Variants in RPE65 observed in about 807,000 individuals in gnomAD.
RPE65 encodes the protein retinoid isomerohydrolase.
In RPE65, 58 loss-of-function variants were observed where a neutral mutation model predicts 68.5. The ratio of observed to expected loss-of-function variants is 0.85; its 90% confidence interval spans 0.69 to 1.05. RPE65 has a LOEUF of 1.05. Among genes scored for constraint, RPE65 ranks in the 50% least tolerant of loss-of-function variants. RPE65 has a pLI of 0.00. For synonymous variants in RPE65, 220 were observed against 222.2 expected (o/e 0.99, Z 0.09); for missense variants, 643 against 629.9 (o/e 1.02, Z -0.22).
chr1:68,444,170 C>CATGA (rs139237373), intron 5 of RPE65, among the ~76,000 whole-genome samples: 3,425 of 152,184 alleles, frequency 0.023, 108 homozygotes, highest in African/African-American at 0.079. Flanking sequence ...GTATTTGTGT[C>CATGA]ATGAATGAAT....
At chr1:68,434,061 T>G (rs1020278371) in intron 10 of RPE65, among the ~76,000 whole-genome samples, 1 of 149,876 alleles carries the variant, frequency 6.7e-6, no homozygotes, top group African/African-American at 2.5e-5. Context: ...GAGTATAGTC[T>G]TAAGTAGTGG....
At chr1:68,439,524 A>G (rs1362821024) in intron 7 of RPE65, 37 bp downstream of exon 7, 1 of 1,604,136 alleles carries the variant, frequency 6.2e-7, no homozygotes, top group Admixed American at 1.7e-5. Context: ...TTTAAACTTG[A>G]GTTTTCCTGA....
rs1645899384 is a variant in RPE65, at chr1:68,441,083, C to A, written c.496-83G>T. 6 of 1,486,440 alleles carry A rather than the reference C, an allele frequency of 4.0e-6. No homozygotes were observed. The Admixed American group carries it at 9.1e-5, about 23-fold the overall frequency. The allele number at this position is 1,486,440 out of a possible 1,614,324, so 92.1% of individuals were successfully genotyped here. A position where few individuals can be genotyped will look rare whatever the true frequency, so the allele number is the denominator to read the frequency against. ...GTCCCTAGGTCTGAGGTCATCACTA[C>A]CCCTTGAACTCTCATCCTAAGTGCA... On this transcript the variant is annotated intron_variant, in intron 5 of 13. Transcript: ENST00000262340.
At chr1:68,444,102 C>T (rs1645924305) in intron 5 of RPE65, among the ~76,000 whole-genome samples, 1 of 152,322 alleles carries the variant, frequency 6.6e-6, no homozygotes, top group Admixed American at 6.5e-5. Context: ...TGTTACCCTA[C>T]TCATTGATCT....
At position 68,449,942 on chromosome 1, in the gene RPE65, C is replaced by T. The variant is rs763419166; in HGVS notation, c.-37G>A. The T allele has an allele frequency of 1.2e-6, 2 of 1,613,778 alleles. No homozygotes were observed. The highest frequency in any genetic ancestry group is 1.7e-6 in the Non-Finnish European group (2 of 1,179,686). On this transcript the variant is annotated 5_prime_UTR_variant, in exon 1 of 14. Transcript: ENST00000262340. ...TCAGGATCCAGAGTTCTGGCACCAA[C>T]TGCAGAATGAAGAAGGAAGTTCTCA... is the stretch of plus-strand genomic sequence containing the variant.
Position 68,428,974 on chromosome 1 carries a change from G to A in RPE65, c.*802C>T, listed in dbSNP as rs920512880. On this transcript the variant is annotated 3_prime_UTR_variant, in exon 14 of 14. Transcript: ENST00000262340. ...TTAAATACAATTAAACAAAAAAGATGCAATAAAGTATAATCCTGCAACATT... is the reference window on the plus strand; with the variant it reads ...TTAAATACAATTAAACAAAAAAGATACAATAAAGTATAATCCTGCAACATT... 1.3e-5 allele frequency: 2 copies of A among 152,044 alleles called. No individual in the cohort carries two copies. Among genetic ancestry groups the A allele is most frequent in the East Asian group, 1.9e-4 (1 of 5,204 alleles). 9.4% of individuals were successfully genotyped at this position (152,044 alleles called of 1,614,324 possible). A position where few individuals can be genotyped will look rare whatever the true frequency, so the allele number is the denominator to read the frequency against.
In RPE65 at chr1:68,429,687, A is replaced by T. The variant is rs1216379239; in HGVS notation, c.*89T>A. ...TCTGCAAGTTAAAACCATGACATAT[A>T]GCAGGCTAAAATTGAACAGAATTTG... is the stretch of plus-strand genomic sequence containing the variant. On this transcript the variant is annotated 3_prime_UTR_variant, in exon 14 of 14. Transcript: ENST00000262340. 7.2e-6 allele frequency: 11 copies of T among 1,537,600 alleles called. No homozygotes were observed. The highest frequency in any genetic ancestry group is 9.8e-6 in the Non-Finnish European group (11 of 1,118,558).
chr1:68,442,455 G>A (rs552226729), intron 5 of RPE65, among the ~76,000 whole-genome samples: 8 of 152,322 alleles, frequency 5.3e-5, no homozygotes, highest in South Asian at 2.1e-4. Flanking sequence ...AAAGACCTTC[G>A]CTTGGACTTT....
At position 68,448,638 on chromosome 1, in the gene RPE65, G is replaced by A. The variant is rs794727245; in HGVS notation, c.80C>T (p.Thr27Ile). Reference sequence around the variant, plus strand: ...GCGAGACCAACCTGTTACATGAGCTGTGAGCGGCGAGGACAGTTCCTCCAC... The same window carrying A: ...GCGAGACCAACCTGTTACATGAGCTATGAGCGGCGAGGACAGTTCCTCCAC... ...ETVEELSSPL[T>I]AHVTGRIPLW... Residue 27 changes from threonine to isoleucine, a missense_variant, in exon 2 of 14, where the codon ACA (threonine) becomes ATA (isoleucine). By Grantham distance (89) the Thr-to-Ile change is moderately conservative. Transcript: ENST00000262340. 1 of 1,613,962 alleles carries A rather than the reference G, an allele frequency of 6.2e-7. No individual in the cohort carries two copies. Among genetic ancestry groups the A allele is most frequent in the African/African-American group, 1.3e-5 (1 of 75,004 alleles).
rs1366781286 is a variant in RPE65, at chr1:68,439,569, G to A, written c.717C>T (p.Tyr239=). The A allele has an allele frequency of 5.6e-6, 9 of 1,613,634 alleles. No individual in the cohort carries two copies. The highest frequency in any genetic ancestry group is 2.2e-5 in the South Asian group (2 of 91,086). ...FPCSDRFKPS[Y]VHSFGLTPNY... Reference sequence around the variant, plus strand: ...GCAGGCCTTCAAGTTACCTATGAACGTAAGATGGCTTGAATCGGTCACTGC... The same window carrying A: ...GCAGGCCTTCAAGTTACCTATGAACATAAGATGGCTTGAATCGGTCACTGC... The change falls in exon 7 of 14, where the codon TAC becomes TAT. Residue 239 remains tyrosine, a synonymous_variant. Transcript: ENST00000262340.
intron 10 of RPE65, 76 bp from the exon 11 acceptor site, chr1:68,431,661 T>G: frequency 1.6e-6 from 2 of 1,281,744 alleles, no homozygotes; most frequent in Non-Finnish European, 2.3e-6. Flanking sequence ...TTCTTAAGTC[T>G]TGGCTCCTAA....
intron 10 of RPE65, among the ~76,000 whole-genome samples, chr1:68,435,490 T>A (rs1041322977): frequency 6.6e-6 from 1 of 152,224 alleles, no homozygotes; most frequent in Non-Finnish European, 1.5e-5. Flanking sequence ...CCATTACCAG[T>A]TCAATAAAGT....
intron 10 of RPE65, 106 bp downstream of exon 10, chr1:68,438,081 G>C: frequency 7.2e-7 from 1 of 1,382,030 alleles, no homozygotes; most frequent in Non-Finnish European, 1.0e-6. Flanking sequence ...GCTCCTTCTA[G>C]CTCTCAAATT....
At position 68,438,988 on chromosome 1, in the gene RPE65, A is replaced by T. The variant is rs61752905; in HGVS notation, c.952T>A (p.Tyr318Asn). 10 of 1,614,072 alleles carry T rather than the reference A, an allele frequency of 6.2e-6. No individual in the cohort carries two copies. The African/African-American group carries it at 1.2e-4, about 19-fold the overall frequency. The change falls in exon 9 of 14, where the codon TAT becomes AAT. Residue 318 changes from tyrosine to asparagine, a missense_variant. Physicochemically the swap from Tyr to Asn is moderately radical, Grantham distance 143. Transcript: ENST00000262340. ...PFNLFHHINTYEDNGFLIVDL... is the reference protein window; with the variant it reads ...PFNLFHHINTNEDNGFLIVDL... ...ACAATCAGAAACCCATTGTCTTCAT[A>T]GGTGTTGATGTGATGGAAGAGGTTG...
intron 13 of RPE65, among the ~76,000 whole-genome samples, chr1:68,430,821 C>T (rs540009187): frequency 6.6e-6 from 1 of 152,236 alleles, no homozygotes; most frequent in East Asian, 1.9e-4. Flanking sequence ...CTAGAGCAGA[C>T]ATTGATGCTC....
At chr1:68,446,480 A>G (rs1026972744) in intron 3 of RPE65, among the ~76,000 whole-genome samples, 1 of 152,176 alleles carries the variant, frequency 6.6e-6, no homozygotes, top group Non-Finnish European at 1.5e-5. Flanking sequence ...TGTTGAATAC[A>G]GGGTTTAAAG....
At chr1:68,434,471 G>A (rs553444794) in intron 10 of RPE65, among the ~76,000 whole-genome samples, 41 of 152,196 alleles carry the variant, frequency 2.7e-4, no homozygotes, top group Non-Finnish European at 4.4e-4. Context: ...TTTCAGAATA[G>A]GGAAAGGATG....
rs770561977 is a variant in RPE65 at position 68,431,191 on chromosome 1, G to T, written c.1339-15C>A. ...AGCTTACAGAGCTGTTTGTGAGAAAGAAAAATCAATCAAGCAATCAGTCAA... is the reference window on the plus strand; with the variant it reads ...AGCTTACAGAGCTGTTTGTGAGAAATAAAAATCAATCAAGCAATCAGTCAA... On this transcript the variant is annotated splice_polypyrimidine_tract_variant and intron_variant, in intron 12 of 13. Coordinates refer to ENST00000262340, the MANE Select transcript of RPE65 (RefSeq NM_000329.3). 2 of 1,612,982 alleles carry T rather than the reference G, an allele frequency of 1.2e-6. No homozygotes were observed. The highest frequency in any genetic ancestry group is 1.7e-5 in the Admixed American group (1 of 59,912).
Position 68,448,723 on chromosome 1 carries a change from A to G in RPE65, c.12-17T>C, listed in dbSNP as rs779865130. 35 of 1,609,312 alleles carry G rather than the reference A, an allele frequency of 2.2e-5. No individual in the cohort carries two copies. Reference sequence around the variant, plus strand: ...TGCTCAACCCTGAAATGGTGGAAGAATAAGGAAGAAGCCCATGTTGATGCT... The same window carrying G: ...TGCTCAACCCTGAAATGGTGGAAGAGTAAGGAAGAAGCCCATGTTGATGCT... On this transcript the variant is annotated splice_polypyrimidine_tract_variant and intron_variant, in intron 1 of 13. Transcript: ENST00000262340.
Sources: gnomAD v4.1 joint callset for allele counts (sites outside exome capture counted in the v4.1 genomes callset) on GRCh38, gnomAD v4.1.1 for gene constraint, MANE v1.5 for transcripts, NCBI Gene and HGNC (gene_info 2026-07-23, HGNC 2026-07-21) for gene names.